Variants in DIAPH2 observed in about 807,000 individuals in gnomAD.
DIAPH2 encodes the protein protein diaphanous homolog 2.
In DIAPH2, 35 loss-of-function variants were observed where a neutral mutation model predicts 92.7. That is an observed-to-expected ratio of 0.38 (90% CI 0.29 to 0.50). The LOEUF is 0.50. Among genes scored for constraint, DIAPH2 ranks in the 20% least tolerant of loss-of-function variants. The pLI is 0.94. For synonymous variants in DIAPH2, 301 were observed against 280.4 expected (o/e 1.07, Z -0.73); for missense variants, 701 against 819.5 (o/e 0.86, Z 1.77).
At chrX:96,776,764 T>C (rs1226188877) in intron 4 of DIAPH2, among the ~76,000 whole-genome samples, 1 of 110,886 alleles carries the variant, frequency 9.0e-6, no homozygotes, top group Non-Finnish European at 1.9e-5. Context: ...AAAGATATGA[T>C]GTAAACCAAC....
At chrX:97,096,815 A>G (rs1352353888) in intron 19 of DIAPH2, among the ~76,000 whole-genome samples, 1 of 111,637 alleles carries the variant, frequency 9.0e-6, no homozygotes, top group Non-Finnish European at 1.9e-5. Context: ...AAAAACAACT[A>G]CAGTGCACTC....
At chrX:96,728,057 GA>G (rs59678952) in intron 1 of DIAPH2, among the ~76,000 whole-genome samples, 1 of 96,530 alleles carries the variant, frequency 1.0e-5, no homozygotes, top group Non-Finnish European at 2.0e-5. Context: ...AAAAAAAAAA[GA>G]AAAAAAAAAG....
intron 17 of DIAPH2, among the ~76,000 whole-genome samples, chrX:97,040,686 G>A (rs770422405): frequency 1.8e-5 from 2 of 110,373 alleles, no homozygotes; most frequent in East Asian, 2.8e-4. Context: ...GGAAGTGTTA[G>A]TAACATTTCT....
intron 22 of DIAPH2, among the ~76,000 whole-genome samples, chrX:97,237,994 A>C (rs1196865611): frequency 8.9e-6 from 1 of 112,076 alleles, no homozygotes; most frequent in Non-Finnish European, 1.9e-5. Flanking sequence ...GAAAGGTAGG[A>C]GATTTCAGTT....
At chrX:96,826,935 A>G (rs1204453998) in intron 4 of DIAPH2, among the ~76,000 whole-genome samples, 1 of 111,451 alleles carries the variant, frequency 9.0e-6, no homozygotes, top group Non-Finnish European at 1.9e-5. Flanking sequence ...ACCCAAGGTT[A>G]TATATCTAGT....
intron 25 of DIAPH2, among the ~76,000 whole-genome samples, chrX:97,398,560 C>T (rs61284358): frequency 0.018 from 1,950 of 110,321 alleles, 41 homozygotes; most frequent in African/African-American, 0.061. Flanking sequence ...GTTGGCAGTG[C>T]AGTTTTCAGC....
At chrX:96,694,411 G>T (rs1240280744) in intron 1 of DIAPH2, among the ~76,000 whole-genome samples, 2 of 109,060 alleles carry the variant, frequency 1.8e-5, no homozygotes, top group Non-Finnish European at 3.8e-5. Flanking sequence ...CCTGATCTCT[G>T]CTTACTGCAA....
intron 26 of DIAPH2, among the ~76,000 whole-genome samples, chrX:97,534,643 T>C (rs1471078270): frequency 9.0e-6 from 1 of 111,419 alleles, no homozygotes; most frequent in African/African-American, 3.3e-5. Context: ...TATTGTAGTG[T>C]TACAATGAAA....
chrX:97,192,245 G>C (rs1473765143), intron 22 of DIAPH2, among the ~76,000 whole-genome samples: 1 of 94,307 alleles, frequency 1.1e-5, no homozygotes, highest in Non-Finnish European at 2.0e-5. Flanking sequence ...GGTGAGCCAA[G>C]ATTGTGCCAC....
chrX:97,267,135 G>A lies in DIAPH2; in HGVS notation c.2844+19296G>A, dbSNP rs772167371. On this transcript the variant is annotated intron_variant, in intron 23 of 26. Transcript: ENST00000324765. ...TTCTTACACAGGATGCTGCCACTTG[G>A]ACTGTACATAGAGTTGATTTGTAAT... Among the ~76,000 whole-genome samples, 140 of 111,623 alleles carry A rather than the reference G, an allele frequency of 1.3e-3. 1 individual carries two copies. The highest frequency in any genetic ancestry group is 2.2e-3 in the Non-Finnish European group (117 of 53,146).
chrX:97,573,657 T>G lies in DIAPH2; in HGVS notation c.3242-25596T>G, dbSNP rs764148593. On this transcript the variant is annotated intron_variant, in intron 26 of 26. Transcript: ENST00000324765. ...AGCATGTTTTTTTGGGGTTTTTTTG[T>G]TTTTTTTTTTGTTTTTTTTTGAGGT... 3.6e-4 allele frequency among the ~76,000 whole-genome samples: 35 copies of G among 96,205 alleles called. No individual in the cohort carries two copies. In the East Asian group the frequency reaches 4.0e-3, roughly 11 times the overall value. The allele number at this position is 96,205 out of a possible 115,157, so 83.5% of individuals were successfully genotyped here. A position where few individuals can be genotyped will look rare whatever the true frequency, so the allele number is the denominator to read the frequency against.
At chrX:96,966,072 G>A (rs2065892005) in intron 17 of DIAPH2, among the ~76,000 whole-genome samples, 1 of 111,140 alleles carries the variant, frequency 9.0e-6, no homozygotes, top group Admixed American at 9.6e-5. Flanking sequence ...TATAAATTTT[G>A]GAAGATAGAG....
intron 22 of DIAPH2, among the ~76,000 whole-genome samples, chrX:97,174,334 A>G (rs2067476611): frequency 1.8e-5 from 2 of 110,995 alleles, no homozygotes; most frequent in South Asian, 3.7e-4. Flanking sequence ...AGACGTAGCA[A>G]GAATGTAAAG....
chrX:97,329,925 CA>C (rs1309863118), intron 23 of DIAPH2, among the ~76,000 whole-genome samples: 62 of 106,088 alleles, frequency 5.8e-4, no homozygotes, highest in South Asian at 2.7e-3. Flanking sequence ...CACACACACA[CA>C]CACACACACA....
intron 26 of DIAPH2, among the ~76,000 whole-genome samples, chrX:97,479,301 A>G (rs1398301968): frequency 1.8e-5 from 2 of 110,897 alleles, no homozygotes; most frequent in Non-Finnish European, 3.8e-5. Context: ...CTCTAAAGGT[A>G]TTGCTTCCCC....
intron 26 of DIAPH2, among the ~76,000 whole-genome samples, chrX:97,472,282 A>G (rs754880683): frequency 1.8e-4 from 20 of 112,279 alleles, no homozygotes; most frequent in Middle Eastern, 9.2e-3. Flanking sequence ...TGGTGAAAAA[A>G]CACTTTCAGG....
At chrX:97,074,044 T>G (rs1309264057) in intron 18 of DIAPH2, among the ~76,000 whole-genome samples, 2 of 112,144 alleles carry the variant, frequency 1.8e-5, no homozygotes, top group Admixed American at 1.9e-4. Flanking sequence ...GGATTTTGTT[T>G]TCTTTTGGTA....
chrX:97,527,690 C>T (rs1267290802), intron 26 of DIAPH2, among the ~76,000 whole-genome samples: 8 of 111,897 alleles, frequency 7.1e-5, no homozygotes, highest in Admixed American at 2.8e-4. Context: ...AAAGCAATAA[C>T]GTTGAATAAG....
intron 4 of DIAPH2, among the ~76,000 whole-genome samples, chrX:96,779,282 A>C (rs973501768): frequency 1.8e-5 from 2 of 112,178 alleles, no homozygotes; most frequent in African/African-American, 6.5e-5. Context: ...TAGAAACTCT[A>C]TAAAATCCAT....
Sources: allele counts gnomAD v4.1 joint callset (sites outside exome capture counted in the v4.1 genomes callset), GRCh38; gene constraint gnomAD v4.1.1; transcripts MANE v1.5; gene names NCBI Gene and HGNC (gene_info 2026-07-23, HGNC 2026-07-21).